DHRSX: variants seen among roughly 807,000 people sequenced by gnomAD.
The protein encoded by DHRSX is polyprenol dehydrogenase.
In DHRSX, 31 loss-of-function variants were observed where a neutral mutation model predicts 34.0. The observed-to-expected ratio is 0.91, with a 90% CI of 0.69 to 1.23. The LOEUF is 1.23. Ranked by LOEUF, DHRSX falls within the 50% of genes most tolerant of loss-of-function variation. The probability of loss-of-function intolerance (pLI) is 0.00; values close to 1 mark genes in which losing one functional copy is unlikely to be tolerated. For synonymous variants in DHRSX, 201 were observed against 183.8 expected (o/e 1.09, Z -0.76); for missense variants, 414 against 428.1 (o/e 0.97, Z 0.29).
intron 3 of DHRSX, among the ~76,000 whole-genome samples, chrX:2,311,678 A>C (rs1197186093): frequency 2.0e-5 from 3 of 152,150 alleles, no homozygotes; most frequent in Admixed American, 2.0e-4. Context: ...GTTGCCGTGG[A>C]AACGCGGACT....
chrX:2,490,427 T>G (rs1399662263), intron 1 of DHRSX: 2 of 1,613,818 alleles, frequency 1.2e-6, no homozygotes, highest in Non-Finnish European at 1.7e-6. Flanking sequence ...CGACTCGGGC[T>G]TCAGCTTGGA....
intron 3 of DHRSX, among the ~76,000 whole-genome samples, chrX:2,394,085 G>A (rs1486689048): frequency 1.3e-5 from 2 of 152,234 alleles, no homozygotes; most frequent in Admixed American, 1.3e-4. Flanking sequence ...GGCAAGATGG[G>A]TTGGCAGATG....
intron 3 of DHRSX, among the ~76,000 whole-genome samples, chrX:2,383,627 C>G (rs1054234112): frequency 6.6e-6 from 1 of 152,116 alleles, no homozygotes; most frequent in African/African-American, 2.4e-5. Context: ...TATTTTATTC[C>G]TTTGGCCAGT....
intron 3 of DHRSX, among the ~76,000 whole-genome samples, chrX:2,307,157 A>T (rs757617883): frequency 3.3e-5 from 5 of 152,268 alleles, no homozygotes; most frequent in African/African-American, 1.2e-4. Flanking sequence ...TCATGTTTTT[A>T]GCAGCAACAC....
chrX:2,488,341 AT>A, intron 1 of DHRSX: 1 of 372,626 alleles, frequency 2.7e-6, no homozygotes, highest in Non-Finnish European at 4.7e-6. Flanking sequence ...GTCCTGGCTA[AT>A]TTTTGTATTT....
chrX:2,310,698 CAG>C lies in DHRSX; in HGVS notation c.287-19097_287-19096del, dbSNP rs776941253. Among the ~76,000 whole-genome samples the C allele has an allele frequency of 7.3e-5, 11 of 150,972 alleles. No individual in the cohort carries two copies. The South Asian group carries it at 1.9e-3, about 26-fold the overall frequency. ...GAGAGAGACAGAGGGAGGAAAGAGA[CAG>C]AGAGAAAGATTGTGACACAGAAATA... On this transcript the variant is annotated intron_variant, in intron 3 of 6. Coordinates refer to ENST00000334651, the MANE Select transcript of DHRSX (RefSeq NM_145177.3).
At chrX:2,360,260 T>C (rs2042912045) in intron 3 of DHRSX, among the ~76,000 whole-genome samples, 1 of 152,102 alleles carries the variant, frequency 6.6e-6, no homozygotes, top group South Asian at 2.1e-4. Flanking sequence ...CATTAAACAT[T>C]TCGCAAGAGT....
chrX:2,270,806 G>A (rs2041541021), intron 4 of DHRSX, among the ~76,000 whole-genome samples: 1 of 152,146 alleles, frequency 6.6e-6, no homozygotes, highest in Admixed American at 6.6e-5. Flanking sequence ...AATTGTAAAG[G>A]CACCAATCAG....
intron 6 of DHRSX, among the ~76,000 whole-genome samples, chrX:2,232,609 G>C (rs2015922644): frequency 6.6e-6 from 1 of 151,784 alleles, no homozygotes; most frequent in African/African-American, 2.4e-5. Context: ...ATTTATTTGA[G>C]ATGCCAGGGC....
intron 1 of DHRSX, among the ~76,000 whole-genome samples, chrX:2,481,309 T>C (rs998555348): frequency 6.6e-6 from 1 of 152,186 alleles, no homozygotes; most frequent in Non-Finnish European, 1.5e-5. Flanking sequence ...CAACAGTTTA[T>C]ATGACCATGA....
Position 2,221,172 on chromosome X carries a change from C to T in DHRSX, c.862G>A (p.Gly288Arg), listed in dbSNP as rs1603473020. 1 of 1,613,912 alleles carries T rather than the reference C, an allele frequency of 6.2e-7. No homozygotes were observed. The highest frequency in any genetic ancestry group is 1.7e-4 in the Middle Eastern group (1 of 6,056). Residue 288 changes from glycine to arginine, a missense_variant, in exon 7 of 7, where the codon GGA becomes AGA. Gly to Arg is a moderately radical substitution (Grantham distance 125). Transcript: ENST00000334651. The stretch of plus-strand genomic sequence containing the variant: ...TTGTATAGGTAATGGCCACCAACTC[C>T]TTCCAGCTCTGGGGTGACTGCTGCG... ...IYAAVTPELE[G>R]VGGHYLYNEK...
intron 1 of DHRSX, among the ~76,000 whole-genome samples, chrX:2,498,649 C>T (rs1193998766): frequency 1.3e-5 from 2 of 149,930 alleles, no homozygotes; most frequent in Non-Finnish European, 3.0e-5. Context: ...AAAAAGATTC[C>T]AGCCCTTTTT....
In DHRSX at chrX:2,243,219, G is replaced by C. The variant is rs2124426954; in HGVS notation, c.608C>G (p.Ser203Ter). The change falls in exon 6 of 7, where the codon TCA becomes TGA. Residue 203 changes from serine (S) to a stop codon, truncating the protein, a stop_gained. Coordinates refer to ENST00000334651, the MANE Select transcript of DHRSX (RefSeq NM_145177.3). LOFTEE classifies it high-confidence loss of function. Reference protein sequence around the residue: ...MDDLQSSACYSPHAAYAQSKL... With the variant: ...MDDLQSSACY ...GCTCTGGGCGTAGGCTGCGTGGGGT[G>C]AGTAGCAGGCACTGTGGGGCAAGCA... 1 of 1,613,672 alleles carries C rather than the reference G, an allele frequency of 6.2e-7. No homozygotes were observed. The highest frequency in any genetic ancestry group is 8.5e-7 in the Non-Finnish European group (1 of 1,179,840).
At chrX:2,489,877 C>T in intron 1 of DHRSX, 4 of 1,613,860 alleles carry the variant, frequency 2.5e-6, no homozygotes, top group Non-Finnish European at 3.4e-6. Flanking sequence ...CGACGTCCAG[C>T]AGGGAGCACG....
chrX:2,485,540 AGAAAAG>A (rs2044869694), intron 1 of DHRSX, among the ~76,000 whole-genome samples: 1 of 133,304 alleles, frequency 7.5e-6, no homozygotes, highest in African/African-American at 2.8e-5. Flanking sequence ...GGAGGGAGGG[AGAAAAG>A]GGAGGGAGGG....
rs1417517468 is a variant in DHRSX, at chrX:2,249,766, C to T, written c.597-6536G>A. On this transcript the variant is annotated intron_variant, in intron 5 of 6. Coordinates refer to ENST00000334651, the MANE Select transcript of DHRSX (RefSeq NM_145177.3). ...CTCGAACTCCTGACTTCAAGTGAAC[C>T]GCCCGCCTTGGCCTCCCAAAGTGCT... Among the ~76,000 whole-genome samples, 6 of 150,746 alleles carry T rather than the reference C, an allele frequency of 4.0e-5. No homozygotes were observed. The East Asian group carries it at 8.0e-4, about 20-fold the overall frequency.
intron 6 of DHRSX, among the ~76,000 whole-genome samples, chrX:2,241,440 T>C (rs1602780794): frequency 1.3e-5 from 2 of 152,180 alleles, no homozygotes; most frequent in African/African-American, 4.8e-5. Flanking sequence ...TGAAGTTTCC[T>C]GAAGTCTGGA....
intron 3 of DHRSX, among the ~76,000 whole-genome samples, chrX:2,302,589 G>A (rs186824823): frequency 1.5e-3 from 226 of 151,814 alleles, no homozygotes; most frequent in African/African-American, 5.0e-3. Context: ...TCCAGCCTGG[G>A]TGACAGAGCC....
At chrX:2,448,714 AACAAT>A (rs1460822897) in intron 1 of DHRSX, among the ~76,000 whole-genome samples, 1 of 152,184 alleles carries the variant, frequency 6.6e-6, no homozygotes, top group Non-Finnish European at 1.5e-5. Context: ...TTTGTTAATG[AACAAT>A]ACATTTTCTA....
Sources: allele counts gnomAD v4.1 joint callset (sites outside exome capture counted in the v4.1 genomes callset), GRCh38; gene constraint gnomAD v4.1.1; transcripts MANE v1.5; gene names NCBI Gene and HGNC (gene_info 2026-07-23, HGNC 2026-07-21).